The following ADPRHL1 variants were observed in gnomAD, a reference collection of about 807,000 sequenced individuals.
ADPRHL1 encodes the protein ADP-ribosylhydrolase like 1, also known as inactive ADP-ribosyltransferase ARH2.
In ADPRHL1, 43 loss-of-function variants were observed where a neutral mutation model predicts 44.1. The ratio of observed to expected loss-of-function variants is 0.98; its 90% CI spans 0.76 to 1.26. ADPRHL1 has a LOEUF of 1.26. Among genes scored for constraint, ADPRHL1 ranks in the 50% most tolerant of loss-of-function variants. The pLI is 0.00. For missense variants in ADPRHL1, 2,022 were observed against 2,496.9 expected (o/e 0.81, Z 4.05); for synonymous variants, 878 against 1,017.4 (o/e 0.86, Z 2.61).
chr13:113,415,519 G>A (rs901676660), intron 7 of ADPRHL1, among the ~76,000 whole-genome samples: 3 of 152,136 alleles, frequency 2.0e-5, no homozygotes, highest in South Asian at 2.1e-4. Context: ...TTGGGAGGCC[G>A]AGGCAGGCGG....
Position 113,407,619 on chromosome 13 carries a change from A to ACAG in ADPRHL1, c.1662_1663insCTG (p.Lys554_Phe555insLeu). ...GAGCACAGGCAGCTGTTCTGCTCGA[A>ACAG]CTTCTCCCGCAGCTTGGACAGCACC... is the stretch of plus-strand genomic sequence containing the variant. On this transcript the variant is annotated inframe_insertion, in exon 8 of 8. Coordinates refer to ENST00000612156, the MANE Select transcript of ADPRHL1 (RefSeq NM_001394807.1). 1 of 1,231,878 alleles carries ACAG rather than the reference A, an allele frequency of 8.1e-7. No individual in the cohort carries two copies. The allele number at this position is 1,231,878 out of a possible 1,614,324, so 76.3% of individuals were successfully genotyped here. A position where few individuals can be genotyped will look rare whatever the true frequency, so the allele number is the denominator to read the frequency against.
At chr13:113,426,046 T>C (rs1356524461) in intron 4 of ADPRHL1, among the ~76,000 whole-genome samples, 1 of 152,230 alleles carries the variant, frequency 6.6e-6, no homozygotes, top group African/African-American at 2.4e-5. Flanking sequence ...GTTACATTGT[T>C]GCATTAGCCC....
Position 113,400,245 on chromosome 13 carries a change from A to C in ADPRHL1, c.*3133T>G, listed in dbSNP as rs2043748515. On this transcript the variant is annotated 3_prime_UTR_variant, in exon 8 of 8. Transcript: ENST00000612156. ...ACTGCAAGCTCCACCTCCCGGGTTC[A>C]CGCCATTCTCCTGTCTCAGGCTCCC... 1 of 144,926 alleles carries C rather than the reference A, an allele frequency of 6.9e-6. No individual in the cohort carries two copies. The highest frequency in any genetic ancestry group is 2.6e-5 in the African/African-American group (1 of 39,020). The allele number at this position is 144,926 out of a possible 1,614,324, so 9.0% of individuals were successfully genotyped here. A position where few individuals can be genotyped will look rare whatever the true frequency, so the allele number is the denominator to read the frequency against.
At chr13:113,418,997 T>TTCCTTTCTTC (rs1566470007) in intron 7 of ADPRHL1, among the ~76,000 whole-genome samples, 1 of 117,086 alleles carries the variant, frequency 8.5e-6, no homozygotes, top group African/African-American at 3.5e-5. Context: ...CCTCCCTCCC[T>TTCCTTTCTTC]CCCTTCCTCC....
intron 7 of ADPRHL1, among the ~76,000 whole-genome samples, chr13:113,411,725 G>A (rs1267951086): frequency 6.6e-6 from 1 of 152,252 alleles, no homozygotes; most frequent in African/African-American, 2.4e-5. Flanking sequence ...CCTTGCTGAG[G>A]TGTCCTCAGC....
chr13:113,429,759 C>A (rs558914263), intron 3 of ADPRHL1, among the ~76,000 whole-genome samples: 26 of 152,338 alleles, frequency 1.7e-4, no homozygotes, highest in African/African-American at 5.8e-4. Flanking sequence ...CTGTGCGGGG[C>A]CGACTCACTC....
rs2043797157 is a variant in ADPRHL1 at position 113,405,085 on chromosome 13, C to T, written c.4197G>A (p.Val1399=). The T allele has an allele frequency of 1.6e-6, 2 of 1,232,256 alleles. No homozygotes were observed. Among genetic ancestry groups the T allele is most frequent in the Non-Finnish European group, 2.0e-6 (2 of 988,354 alleles). The allele number at this position is 1,232,256 out of a possible 1,614,324, so 76.3% of individuals were successfully genotyped here. A position where few individuals can be genotyped will look rare whatever the true frequency, so the allele number is the denominator to read the frequency against. The change falls in exon 8 of 8, where the codon GTG becomes GTA. Residue 1399 remains valine (V), a synonymous_variant. Transcript: ENST00000612156. ...GCACAACCTTCGAGCCCGACGGCGC[C>T]ACCCTCTTCCCCGCATCCCCGGGCT... ...TPQPGDAGKR[V]APSGSKVVLN...
At chr13:113,452,897 C>CT (rs1427592639) in intron 1 of ADPRHL1, among the ~76,000 whole-genome samples, 2 of 152,222 alleles carry the variant, frequency 1.3e-5, no homozygotes, top group Non-Finnish European at 1.5e-5. Flanking sequence ...GCTTCACTGG[C>CT]TTTAACTCTA....
intron 4 of ADPRHL1, among the ~76,000 whole-genome samples, chr13:113,427,785 C>T (rs116706145): frequency 0.02 from 2,972 of 152,310 alleles, 94 homozygotes; most frequent in African/African-American, 0.066. Flanking sequence ...TGACTGTGTG[C>T]GGACGCTGAC....
chr13:113,440,893 C>T (rs930803753), intron 2 of ADPRHL1, among the ~76,000 whole-genome samples: 1 of 152,124 alleles, frequency 6.6e-6, no homozygotes, highest in East Asian at 1.9e-4. Context: ...TGGCTTATGC[C>T]TGTAATCCCA....
In ADPRHL1 at chr13:113,407,980, G is replaced by A; in HGVS notation, c.1302C>T (p.Ala434=). The change falls in exon 8 of 8, where the codon GCC becomes GCT. Residue 434 remains alanine, a synonymous_variant. Transcript: ENST00000612156. ...QRPTRFQLLQ[A]KFLGTGRERY... is the part of the protein sequence containing the mutation. The stretch of plus-strand genomic sequence containing the variant: ...GCTCCCGGCCAGTGCCCAGGAACTT[G>A]GCCTGCAGGAGCTGGAAGCGCGTGG... The A allele has an allele frequency of 8.1e-7, 1 of 1,232,218 alleles. No individual in the cohort carries two copies. The highest frequency in any genetic ancestry group is 1.0e-6 in the Non-Finnish European group (1 of 988,122). 76.3% of individuals were successfully genotyped at this position (1,232,218 alleles called of 1,614,324 possible).
chr13:113,449,674 CAG>C (rs1399729172), intron 1 of ADPRHL1, among the ~76,000 whole-genome samples: 1 of 152,216 alleles, frequency 6.6e-6, no homozygotes, highest in Non-Finnish European at 1.5e-5. Flanking sequence ...CAGGGTTTGC[CAG>C]ACCACACAGC....
chr13:113,447,110 T>G (rs1305777937), intron 1 of ADPRHL1, among the ~76,000 whole-genome samples: 1 of 144,482 alleles, frequency 6.9e-6, no homozygotes, highest in Non-Finnish European at 1.5e-5. Flanking sequence ...AGTCACGGTG[T>G]TGTGTGTGCA....
intron 7 of ADPRHL1, chr13:113,422,551 C>A (rs547606985): frequency 2.0e-4 from 93 of 464,812 alleles, no homozygotes; most frequent in African/African-American, 1.8e-3. Context: ...CAGGAGACTG[C>A]GGGTGAGTGC....
At position 113,449,834 on chromosome 13, in the gene ADPRHL1, T is replaced by G. The variant is rs182162089; in HGVS notation, c.214+3390A>C. 2.5e-3 allele frequency among the ~76,000 whole-genome samples: 376 copies of G among 152,222 alleles called. 4 individuals carry two copies. Among genetic ancestry groups the G allele is most frequent in the Non-Finnish European group, 7.5e-4 (51 of 68,004 alleles). ...TTGTTAGGATACCTGCAGGCCACCG[T>G]GATCTCAGCAGTCAGGGAGGATGCT... On this transcript the variant is annotated intron_variant, in intron 1 of 7. Coordinates refer to ENST00000612156, the MANE Select transcript of ADPRHL1 (RefSeq NM_001394807.1).
chr13:113,434,731 C>CAT (rs2044036019), intron 2 of ADPRHL1, among the ~76,000 whole-genome samples: 1 of 28,790 alleles, frequency 3.5e-5, no homozygotes, highest in Non-Finnish European at 7.8e-5. Context: ...GGCACCCAGG[C>CAT]GTAGAGTGAA....
intron 2 of ADPRHL1, among the ~76,000 whole-genome samples, chr13:113,442,945 C>T (rs750703285): frequency 6.6e-6 from 1 of 152,142 alleles, no homozygotes; most frequent in East Asian, 1.9e-4. Flanking sequence ...TTAACCTTTT[C>T]TTGGAAATGT....
At chr13:113,415,282 T>C (rs2043881520) in intron 7 of ADPRHL1, among the ~76,000 whole-genome samples, 1 of 152,158 alleles carries the variant, frequency 6.6e-6, no homozygotes, top group African/African-American at 2.4e-5. Flanking sequence ...CTGCCCGCGA[T>C]GTGGTCCCCA....
In ADPRHL1 at chr13:113,421,723, TC is replaced by T. The variant is rs528914769; in HGVS notation, c.1061+1102del. ...TGGGAGCATAAAGACATCACCACTTTCCCCTTTCAAATCATCCCATAGAAGA... is the reference window on the plus strand; with the variant it reads ...TGGGAGCATAAAGACATCACCACTTTCCCTTTCAAATCATCCCATAGAAGA... On this transcript the variant is annotated intron_variant, in intron 7 of 7. Coordinates refer to ENST00000612156, the MANE Select transcript of ADPRHL1 (RefSeq NM_001394807.1). 2.9e-3 allele frequency among the ~76,000 whole-genome samples: 435 copies of T among 152,258 alleles called. 2 individuals are homozygous for T. The highest frequency in any genetic ancestry group is 4.5e-3 in the Non-Finnish European group (303 of 68,016).
Sources: allele counts gnomAD v4.1 joint callset (sites outside exome capture counted in the v4.1 genomes callset), GRCh38; gene constraint gnomAD v4.1.1; transcripts MANE v1.5; gene names NCBI Gene and HGNC (gene_info 2026-07-23, HGNC 2026-07-21).